The following GRXCR2 variants were observed in gnomAD, a reference collection of about 807,000 sequenced individuals.
The protein encoded by GRXCR2 is glutaredoxin domain-containing cysteine-rich protein 2.
In GRXCR2, 23 loss-of-function variants were observed where a neutral mutation model predicts 24.8. That is an observed-to-expected ratio of 0.93 (90% CI 0.67 to 1.32). The LOEUF (loss-of-function observed/expected upper bound fraction) is 1.32, where lower values mean the gene tolerates loss of function less well. Ranked by LOEUF, GRXCR2 falls within the 40% of genes most tolerant of loss-of-function variation. The probability of loss-of-function intolerance (pLI) is 0.00; values close to 1 mark genes in which losing one functional copy is unlikely to be tolerated. For missense variants in GRXCR2, 315 were observed against 303.4 expected (o/e 1.04, Z -0.28); for synonymous variants, 130 against 116.1 (o/e 1.12, Z -0.77).
intron 2 of GRXCR2, among the ~76,000 whole-genome samples, chr5:145,860,841 AAT>A (rs1290960356): frequency 6.6e-6 from 1 of 152,030 alleles, no homozygotes; most frequent in Non-Finnish European, 1.5e-5. Context: ...TAAATGAGAG[AAT>A]ATATGTAATG....
chr5:145,878,561 C>A (rs971624275), intron 2 of GRXCR2, among the ~76,000 whole-genome samples: 1 of 151,836 alleles, frequency 6.6e-6, no homozygotes, highest in Non-Finnish European at 1.5e-5. Flanking sequence ...AAGACCAAAT[C>A]GACATTTGAT....
intron 2 of GRXCR2, 111 bp from the exon 3 acceptor site, chr5:145,860,026 A>G (rs1360151974): frequency 1.2e-6 from 1 of 820,378 alleles, no homozygotes; most frequent in Non-Finnish European, 1.8e-6. Flanking sequence ...ATAGAGGAAA[A>G]TGCTTCCCAC....
rs544440522 is a variant in GRXCR2 at position 145,916,443 on chromosome 5, T to C, written c.-70+19258A>G. 2.0e-5 allele frequency among the ~76,000 whole-genome samples: 3 copies of C among 152,234 alleles called. No individual in the cohort carries two copies. The South Asian group carries it at 6.2e-4, about 32-fold the overall frequency. Reference sequence around the variant, plus strand: ...GGATCTGTTGCTTTCTTTTGTTTTATTGTTCTGTTGCCCCATTTTCTCCAC... The same window carrying C: ...GGATCTGTTGCTTTCTTTTGTTTTACTGTTCTGTTGCCCCATTTTCTCCAC... On this transcript the variant is annotated intron_variant, in intron 2 of 3. Coordinates refer to the GRXCR2 transcript ENST00000639411.
At chr5:145,891,909 C>T (rs539361133) in intron 2 of GRXCR2, among the ~76,000 whole-genome samples, 25 of 152,234 alleles carry the variant, frequency 1.6e-4, no homozygotes, top group African/African-American at 5.1e-4. Flanking sequence ...ACACCTCACA[C>T]GGCCGGGTAC....
intron 2 of GRXCR2, among the ~76,000 whole-genome samples, chr5:145,927,837 C>A (rs1047034877): frequency 1.3e-5 from 2 of 152,118 alleles, no homozygotes; most frequent in South Asian, 4.1e-4. Flanking sequence ...AGGACATAGG[C>A]ATGGGGAAGC....
rs538328166 is a variant in GRXCR2, at chr5:145,858,980, G to A, written c.*753C>T. 8 of 152,140 alleles carry A rather than the reference G, an allele frequency of 5.3e-5. No individual in the cohort carries two copies. The highest frequency in any genetic ancestry group is 1.7e-4 in the African/African-American group (7 of 41,420). 9.4% of individuals were successfully genotyped at this position (152,140 alleles called of 1,614,324 possible). On this transcript the variant is annotated 3_prime_UTR_variant, in exon 3 of 3. Transcript: ENST00000377976. ...TTATTTGGTAGTAATTCAGGGGCTC[G>A]AAGAAGTTATATCATACACACATAT... is the stretch of plus-strand genomic sequence containing the variant.
intron 1 of GRXCR2, 137 bp from the exon 2 acceptor site, chr5:145,866,865 A>C (rs1436639364): frequency 3.2e-6 from 2 of 627,706 alleles, no homozygotes; most frequent in East Asian, 5.5e-5. Flanking sequence ...TCAGACCCCA[A>C]AGTCACAGTT....
intron 2 of GRXCR2, among the ~76,000 whole-genome samples, chr5:145,909,052 A>G (rs554357554): frequency 1.3e-5 from 2 of 152,354 alleles, no homozygotes; most frequent in Admixed American, 1.3e-4. Flanking sequence ...CAATCACCTC[A>G]TCCACAAAAT....
chr5:145,865,237 G>C (rs182800924), intron 2 of GRXCR2, among the ~76,000 whole-genome samples: 1 of 152,172 alleles, frequency 6.6e-6, no homozygotes, highest in Non-Finnish European at 1.5e-5. Context: ...AGTCCCAGGA[G>C]ATGGAATCTA....
upstream of GRXCR2, among the ~76,000 whole-genome samples, chr5:145,873,715 T>C (rs2149912646): frequency 6.6e-6 from 1 of 152,286 alleles, no homozygotes; most frequent in South Asian, 2.1e-4. Context: ...TTCTGGGCCT[T>C]CTCCCCCTAC....
chr5:145,929,717 T>C (rs73310118), intron 2 of GRXCR2, among the ~76,000 whole-genome samples: 3,067 of 152,318 alleles, frequency 0.02, 74 homozygotes, highest in African/African-American at 0.058. Context: ...AATCTGCCTT[T>C]AGAACTTCCT....
chr5:145,889,172 A>AAAAAAAAGAAAG lies in GRXCR2; in HGVS notation c.-69-22445_-69-22444insCTTTCTTTTTTT, dbSNP rs757883920. 1.7e-3 allele frequency among the ~76,000 whole-genome samples: 144 copies of AAAAAAAAGAAAG among 84,046 alleles called. 1 individual carries two copies. Among genetic ancestry groups the AAAAAAAAGAAAG allele is most frequent in the African/African-American group, 6.0e-3 (129 of 21,346 alleles). 55.1% of individuals were successfully genotyped at this position (84,046 alleles called of 152,430 possible). On this transcript the variant is annotated intron_variant, in intron 2 of 3. Transcript: ENST00000639411. Reference sequence around the variant, plus strand: ...TGACAGACCGAGACTCTGTCTCAAAAAAAGAAAGAAAGAAAGAAAGAAAGA... The same window carrying AAAAAAAAGAAAG: ...TGACAGACCGAGACTCTGTCTCAAAAAAAAAAAGAAAGAAAGAAAGAAAGAAAGAAAGAAAGA...
At chr5:145,921,354 T>A (rs1450634441) in intron 2 of GRXCR2, among the ~76,000 whole-genome samples, 1 of 152,214 alleles carries the variant, frequency 6.6e-6, no homozygotes, top group African/African-American at 2.4e-5. Context: ...GAGGTCACCC[T>A]GCTCCAGGGC....
chr5:145,885,089 G>A (rs1417856715), intron 2 of GRXCR2, among the ~76,000 whole-genome samples: 2 of 127,202 alleles, frequency 1.6e-5, no homozygotes, highest in East Asian at 6.2e-4. Flanking sequence ...TGCAGCATGT[G>A]TGTGTGTCTG....
chr5:145,898,541 A>C (rs535701551), intron 2 of GRXCR2, among the ~76,000 whole-genome samples: 1 of 152,316 alleles, frequency 6.6e-6, no homozygotes, highest in Non-Finnish European at 1.5e-5. Flanking sequence ...TTTAAAAAAT[A>C]CTAGCAAACT....
chr5:145,927,824 T>G (rs1757421836), intron 2 of GRXCR2, among the ~76,000 whole-genome samples: 1 of 152,164 alleles, frequency 6.6e-6, no homozygotes, highest in Non-Finnish European at 1.5e-5. Context: ...GGCAATAACA[T>G]TCAGGACATA....
At chr5:145,922,375 A>G (rs568371018) in intron 2 of GRXCR2, among the ~76,000 whole-genome samples, 50 of 152,258 alleles carry the variant, frequency 3.3e-4, no homozygotes, top group African/African-American at 1.2e-3. Context: ...TCTTCAGGAA[A>G]GTCTTCCCTC....
intron 2 of GRXCR2, among the ~76,000 whole-genome samples, chr5:145,923,782 A>G (rs1033571252): frequency 6.6e-6 from 1 of 152,124 alleles, no homozygotes; most frequent in Non-Finnish European, 1.5e-5. Flanking sequence ...CCATATCGAT[A>G]TATACTAATT....
intron 2 of GRXCR2, among the ~76,000 whole-genome samples, chr5:145,897,827 G>GTGCTAT (rs1420086652): frequency 2.0e-5 from 3 of 152,030 alleles, no homozygotes; most frequent in African/African-American, 7.2e-5. Flanking sequence ...GCAGTGTTAA[G>GTGCTAT]AAGAAAGTTT....
Sources: gnomAD v4.1 joint callset for allele counts (sites outside exome capture counted in the v4.1 genomes callset) on GRCh38, gnomAD v4.1.1 for gene constraint, MANE v1.5 for transcripts, NCBI Gene and HGNC (gene_info 2026-07-23, HGNC 2026-07-21) for gene names.